The following TLL1 variants were observed in gnomAD, a reference collection of about 807,000 sequenced individuals.
TLL1 encodes the protein tolloid-like protein 1.
A neutral mutation model predicts 128.2 loss-of-function variants in TLL1; 49 were observed. The ratio of observed to expected loss-of-function variants is 0.38; its 90% confidence interval spans 0.30 to 0.48. The LOEUF is 0.48. TLL1 is among the 20% of genes least tolerant of loss of function. The pLI is 0.96. For missense variants in TLL1, 1,123 were observed against 1,242.0 expected, an observed-to-expected ratio of 0.90 and a Z score of 1.44; for synonymous variants, 454 against 418.8, an observed-to-expected ratio of 1.08 and a Z score of -1.03.
intron 1 of TLL1, among the ~76,000 whole-genome samples, chr4:165,928,282 T>C (rs977105401): frequency 5.3e-5 from 8 of 152,200 alleles, no homozygotes; most frequent in African/African-American, 1.4e-4. Context: ...GAAGACATAG[T>C]TCCTGATGTC....
intron 9 of TLL1, chr4:166,030,464 A>G (rs1200234628): frequency 3.3e-6 from 2 of 598,788 alleles, no homozygotes; most frequent in East Asian, 3.0e-5. Context: ...TTGTATTTTC[A>G]CTCTGTTGAT....
intron 16 of TLL1, among the ~76,000 whole-genome samples, chr4:166,071,418 G>A (rs951078402): frequency 1.3e-5 from 2 of 151,858 alleles, no homozygotes; most frequent in African/African-American, 4.8e-5. Context: ...CCATTCCAAA[G>A]AAGGGGGCTA....
At chr4:166,003,300 C>A in intron 5 of TLL1, 91 bp from the exon 6 acceptor site, 4 of 1,299,026 alleles carry the variant, frequency 3.1e-6, no homozygotes, top group Non-Finnish European at 4.5e-6. Flanking sequence ...GACTTTATAG[C>A]TCATCACTAT....
Position 166,059,918 on chromosome 4 carries a change from A to C in TLL1, c.1847-110A>C. The C allele has an allele frequency of 2.3e-6, 3 of 1,317,424 alleles. No homozygotes were observed. In the South Asian group the frequency reaches 3.6e-5, roughly 16 times the overall value. The allele number at this position is 1,317,424 out of a possible 1,614,324, so 81.6% of individuals were successfully genotyped here. A position where few individuals can be genotyped will look rare whatever the true frequency, so the allele number is the denominator to read the frequency against. ...CCATTTCTGGATTTTAAAATCCAGA[A>C]GATAGTTGAAATTTAGTGCTGAGAT... On this transcript the variant is annotated intron_variant, in intron 14 of 20. Coordinates refer to ENST00000061240, the MANE Select transcript of TLL1 (RefSeq NM_012464.5).
At chr4:165,893,390 A>G (rs981167464) in intron 1 of TLL1, among the ~76,000 whole-genome samples, 2 of 152,210 alleles carry the variant, frequency 1.3e-5, no homozygotes, top group Middle Eastern at 3.2e-3. Context: ...GCCTCAGTTT[A>G]CTGTCTATAC....
chr4:166,067,967 C>A (rs1377705571), intron 16 of TLL1, among the ~76,000 whole-genome samples: 2 of 151,732 alleles, frequency 1.3e-5, no homozygotes, highest in Non-Finnish European at 2.9e-5. Context: ...GGCATTAGTT[C>A]TTTTCCTTAT....
rs1246879224 is a variant in TLL1 at position 165,911,886 on chromosome 4, C to T, written c.169+37813C>T. 4.6e-5 allele frequency among the ~76,000 whole-genome samples: 7 copies of T among 151,910 alleles called. No individual in the cohort carries two copies. In the South Asian group the frequency reaches 1.0e-3, roughly 23 times the overall value. Reference sequence around the variant, plus strand: ...GGTGTTTTTTTGTTTTGTTTTGTTTCGTTTTTTGAGACAGAGTCTCGCTCT... The same window carrying T: ...GGTGTTTTTTTGTTTTGTTTTGTTTTGTTTTTTGAGACAGAGTCTCGCTCT... On this transcript the variant is annotated intron_variant, in intron 1 of 20. Coordinates refer to ENST00000061240, the MANE Select transcript of TLL1 (RefSeq NM_012464.5).
chr4:165,889,576 A>G (rs995031680), intron 1 of TLL1, among the ~76,000 whole-genome samples: 4 of 152,294 alleles, frequency 2.6e-5, no homozygotes, highest in South Asian at 4.1e-4. Context: ...ATCACAAGTT[A>G]CCTGTACTGA....
rs113022061 is a variant in TLL1, at chr4:165,970,281, T to C, written c.170-19100T>C. On this transcript the variant is annotated intron_variant, in intron 1 of 20. Transcript: ENST00000061240. ...AATATTGTAAACATTGCTGTTTTCT[T>C]GTGGAACCTTTTTTTCTTTGATTTC... Among the ~76,000 whole-genome samples the C allele has an allele frequency of 1.9e-3, 297 of 152,318 alleles. 1 individual carries two copies. The highest frequency in any genetic ancestry group is 6.5e-3 in the African/African-American group (269 of 41,576).
chr4:165,982,812 T>C (rs1230659543), intron 1 of TLL1, among the ~76,000 whole-genome samples: 1 of 150,816 alleles, frequency 6.6e-6, no homozygotes, highest in Non-Finnish European at 1.5e-5. Flanking sequence ...CAAGACCTAG[T>C]GTCAATATTT....
At chr4:166,074,071 G>A (rs766951262) in intron 16 of TLL1, among the ~76,000 whole-genome samples, 6 of 152,020 alleles carry the variant, frequency 3.9e-5, no homozygotes, top group Non-Finnish European at 7.4e-5. Context: ...ATGCCTCACC[G>A]AATTGACTGC....
At chr4:166,009,523 C>T (rs980804973) in intron 7 of TLL1, among the ~76,000 whole-genome samples, 2 of 151,390 alleles carry the variant, frequency 1.3e-5, no homozygotes, top group African/African-American at 4.8e-5. Context: ...TAGTCCACCT[C>T]ACCCACACCT....
intron 16 of TLL1, among the ~76,000 whole-genome samples, chr4:166,074,338 A>T (rs1459519842): frequency 2.6e-5 from 4 of 151,602 alleles, no homozygotes; most frequent in Admixed American, 1.3e-4. Flanking sequence ...TGCTAAGCAT[A>T]ACTGCAGAGT....
chr4:165,991,842 T>C (rs1379449230), intron 2 of TLL1, among the ~76,000 whole-genome samples: 2 of 152,060 alleles, frequency 1.3e-5, no homozygotes, highest in Non-Finnish European at 1.5e-5. Context: ...TCCATGTTAC[T>C]ACAAATTCAT....
At chr4:166,014,681 G>A (rs925137223) in intron 8 of TLL1, 121 bp downstream of exon 8, 1 of 1,452,036 alleles carries the variant, frequency 6.9e-7, no homozygotes, top group East Asian at 2.3e-5. Flanking sequence ...GACGTGTACA[G>A]TTCAAAGTCA....
chr4:165,879,044 C>T lies in TLL1; in HGVS notation c.169+4971C>T, dbSNP rs530729236. Among the ~76,000 whole-genome samples, 7 of 150,600 alleles carry T rather than the reference C, an allele frequency of 4.6e-5. No homozygotes were observed. The Admixed American group carries it at 4.7e-4, about 10-fold the overall frequency. ...TCCTAGGCTCAAGCAATCCTCCTAC[C>T]TCAGCCTCTGTAGCAGCTAGGACTA... On this transcript the variant is annotated intron_variant, in intron 1 of 20. Transcript: ENST00000061240.
rs374014428 is a variant in TLL1 at position 165,973,750 on chromosome 4, G to A, written c.170-15631G>A. 5.6e-4 allele frequency among the ~76,000 whole-genome samples: 84 copies of A among 150,632 alleles called. 1 individual carries two copies. In the South Asian group the frequency reaches 0.012, roughly 22 times the overall value. ...GTACAATCTCGGCTCACTGCAATCT[G>A]CACCTCCCAGGTACAAGTAATTCTC... On this transcript the variant is annotated intron_variant, in intron 1 of 20. Coordinates refer to ENST00000061240, the MANE Select transcript of TLL1 (RefSeq NM_012464.5).
chr4:165,975,154 C>T (rs368578345), intron 1 of TLL1, among the ~76,000 whole-genome samples: 1 of 152,058 alleles, frequency 6.6e-6, no homozygotes, highest in Non-Finnish European at 1.5e-5. Context: ...GTGGGTTTGG[C>T]GATGGATGAG....
At chr4:166,048,238 G>GGA (rs1739550072) in intron 12 of TLL1, among the ~76,000 whole-genome samples, 1 of 100,680 alleles carries the variant, frequency 9.9e-6, no homozygotes, top group Admixed American at 1.2e-4. Flanking sequence ...TTCCGTCTCG[G>GGA]AAAAAAAAAA....
Sources: gnomAD v4.1 joint callset for allele counts (sites outside exome capture counted in the v4.1 genomes callset) on GRCh38, gnomAD v4.1.1 for gene constraint, MANE v1.5 for transcripts, NCBI Gene and HGNC (gene_info 2026-07-23, HGNC 2026-07-21) for gene names.